Variants in CCDC171 observed in about 807,000 individuals in gnomAD.
CCDC171 encodes the protein coiled-coil domain-containing protein 171.
In CCDC171, 177 loss-of-function variants were observed where a neutral mutation model predicts 168.2. The observed-to-expected ratio is 1.05, with a 90% CI of 0.93 to 1.19. The LOEUF (loss-of-function observed/expected upper bound fraction) is 1.19. Ranked by LOEUF, CCDC171 falls within the 50% of genes most tolerant of loss-of-function variation. The probability of loss-of-function intolerance (pLI) is 0.00; values close to 1 mark genes in which losing one functional copy is unlikely to be tolerated. For synonymous variants in CCDC171, 687 were observed against 540.8 expected (o/e 1.27, Z -3.75); for missense variants, 1,991 against 1,539.0 (o/e 1.29, Z -4.91).
chr9:15,591,981 A>G (rs1381781531), intron 5 of CCDC171, among the ~76,000 whole-genome samples: 1 of 152,156 alleles, frequency 6.6e-6, no homozygotes, highest in African/African-American at 2.4e-5. Context: ...TTGTATAAAC[A>G]TGATATGTAA....
intron 23 of CCDC171, among the ~76,000 whole-genome samples, chr9:15,865,384 T>TTGTG (rs71325943): frequency 6.7e-5 from 10 of 150,376 alleles, no homozygotes; most frequent in South Asian, 2.1e-4. Context: ...TTTGTCATAT[T>TTGTG]TGTGTGTGTG....
intron 24 of CCDC171, among the ~76,000 whole-genome samples, chr9:15,887,088 G>A (rs546345590): frequency 6.6e-6 from 1 of 152,038 alleles, no homozygotes; most frequent in Non-Finnish European, 1.5e-5. Flanking sequence ...CTTGAAATTT[G>A]CTAAGAGAGT....
At chr9:16,009,700 T>G (rs1241728032) in intron 3 of CCDC171, among the ~76,000 whole-genome samples, 9 of 152,308 alleles carry the variant, frequency 5.9e-5, no homozygotes, top group African/African-American at 1.9e-4. Context: ...ACAAGAATGA[T>G]GTGAATATAA....
At chr9:15,616,069 G>A (rs2131936804) in intron 6 of CCDC171, among the ~76,000 whole-genome samples, 1 of 152,268 alleles carries the variant, frequency 6.6e-6, no homozygotes, top group Admixed American at 6.5e-5. Flanking sequence ...TCTTGCCTCA[G>A]CCTCCCGAAT....
intron 3 of CCDC171, among the ~76,000 whole-genome samples, chr9:15,992,895 A>C (rs1398850639): frequency 6.6e-6 from 1 of 152,190 alleles, no homozygotes; most frequent in Non-Finnish European, 1.5e-5. Flanking sequence ...AAGGGATGTG[A>C]AGGACCTCTT....
chr9:15,858,349 T>C lies in CCDC171; in HGVS notation c.3468+9402T>C, dbSNP rs141841084. Among the ~76,000 whole-genome samples the C allele has an allele frequency of 1.3e-4, 20 of 152,108 alleles. No homozygotes were observed. The East Asian group carries it at 3.7e-3, about 28-fold the overall frequency. ...TGTAATGTATTTTGAAGTCAGAAAG[T>C]GTGAGGCCTCCAGCTTGGCCCTGAT... is the stretch of plus-strand genomic sequence containing the variant. On this transcript the variant is annotated intron_variant, in intron 23 of 25. Coordinates refer to ENST00000380701, the MANE Select transcript of CCDC171 (RefSeq NM_173550.4).
chr9:15,946,531 A>G (rs1426218952), intron 25 of CCDC171, among the ~76,000 whole-genome samples: 3 of 152,066 alleles, frequency 2.0e-5, no homozygotes, highest in African/African-American at 4.8e-5. Context: ...GGATACAAAC[A>G]AATGGAAGAA....
At chr9:15,916,134 A>G (rs1264823809) in intron 24 of CCDC171, among the ~76,000 whole-genome samples, 1 of 151,890 alleles carries the variant, frequency 6.6e-6, no homozygotes, top group Non-Finnish European at 1.5e-5. Flanking sequence ...TATATTTAAA[A>G]TATTCACATT....
intron 6 of CCDC171, among the ~76,000 whole-genome samples, chr9:16,026,148 A>G (rs1363030075): frequency 6.6e-6 from 1 of 151,954 alleles, no homozygotes; most frequent in Non-Finnish European, 1.5e-5. Flanking sequence ...GGGTGTCGTA[A>G]CCCATCTCAC....
chr9:15,786,931 C>T (rs1411532130), intron 21 of CCDC171, among the ~76,000 whole-genome samples: 1 of 151,982 alleles, frequency 6.6e-6, no homozygotes, highest in Admixed American at 6.6e-5. Flanking sequence ...CAAAGCTGCC[C>T]CTCTCCTATC....
intron 3 of CCDC171, among the ~76,000 whole-genome samples, chr9:16,013,348 T>C (rs1832924511): frequency 6.6e-6 from 1 of 152,212 alleles, no homozygotes; most frequent in Non-Finnish European, 1.5e-5. Flanking sequence ...TCTCTTATAG[T>C]TAGCTGTCAG....
At position 15,878,959 on chromosome 9, in the gene CCDC171, C is replaced by T. The variant is rs116090677; in HGVS notation, c.3600+4296C>T. On this transcript the variant is annotated intron_variant, in intron 24 of 25. Coordinates refer to ENST00000380701, the MANE Select transcript of CCDC171 (RefSeq NM_173550.4). ...GACACAAAGAGGGGAACAATTGGGG[C>T]CTTGAGTCTGGAGGGTGTGGGAGAA... Among the ~76,000 whole-genome samples, 268 of 152,002 alleles carry T rather than the reference C, an allele frequency of 1.8e-3. 2 individuals carry two copies. Among genetic ancestry groups the T allele is most frequent in the African/African-American group, 6.0e-3 (250 of 41,444 alleles).
intron 20 of CCDC171, among the ~76,000 whole-genome samples, chr9:15,783,845 C>T (rs1386518919): frequency 6.6e-6 from 1 of 152,136 alleles, no homozygotes; most frequent in Non-Finnish European, 1.5e-5. Flanking sequence ...AGTATTATTT[C>T]ATTCAACAAA....
chr9:15,584,211 C>G (rs76084617), intron 4 of CCDC171, among the ~76,000 whole-genome samples: 1 of 152,162 alleles, frequency 6.6e-6, no homozygotes, highest in Admixed American at 6.5e-5. Flanking sequence ...TAGTTTTGCT[C>G]AGCTGTCTGG....
intron 7 of CCDC171, among the ~76,000 whole-genome samples, chr9:15,636,002 C>G (rs1032811149): frequency 1.3e-5 from 2 of 152,026 alleles, no homozygotes; most frequent in Admixed American, 6.6e-5. Context: ...GAAATGGTAC[C>G]TTATTGTGGT....
At chr9:15,945,526 T>C (rs926145301) in intron 25 of CCDC171, among the ~76,000 whole-genome samples, 1 of 147,184 alleles carries the variant, frequency 6.8e-6, no homozygotes, top group Non-Finnish European at 1.5e-5. Context: ...TTTCTCCACA[T>C]CCTCTCCAGC....
At chr9:15,766,835 G>C (rs757735404) in intron 18 of CCDC171, among the ~76,000 whole-genome samples, 2 of 151,872 alleles carry the variant, frequency 1.3e-5, no homozygotes, top group South Asian at 4.1e-4. Flanking sequence ...TCTAAGGTTT[G>C]TTTTTTGTAG....
At chr9:15,804,654 T>A (rs922807433) in intron 21 of CCDC171, among the ~76,000 whole-genome samples, 1 of 152,106 alleles carries the variant, frequency 6.6e-6, no homozygotes, top group African/African-American at 2.4e-5. Context: ...TGTGGAGGAT[T>A]TTTGCATTGA....
chr9:16,034,416 G>T (rs1465624822), intron 6 of CCDC171, among the ~76,000 whole-genome samples: 2 of 152,140 alleles, frequency 1.3e-5, no homozygotes. Context: ...GATTTTCAAC[G>T]GGTGGTAAAC....
Sources: gnomAD v4.1 joint callset for allele counts (sites outside exome capture counted in the v4.1 genomes callset) on GRCh38, gnomAD v4.1.1 for gene constraint, MANE v1.5 for transcripts, NCBI Gene and HGNC (gene_info 2026-07-23, HGNC 2026-07-21) for gene names.